The following RABGAP1L variants were observed in gnomAD, a reference collection of about 807,000 sequenced individuals.
RABGAP1L encodes the protein RAB GTPase activating protein 1 like, also known as rab GTPase-activating protein 1-like.
Under a neutral mutation model 137.7 loss-of-function variants are expected in RABGAP1L, and 63 were observed. The observed-to-expected ratio is 0.46, with a 90% confidence interval of 0.37 to 0.56. RABGAP1L has a LOEUF of 0.56. Among genes scored for constraint, RABGAP1L ranks in the 20% least tolerant of loss-of-function variants. The probability of loss-of-function intolerance (pLI) is 0.00; values close to 1 mark genes in which losing one functional copy is unlikely to be tolerated. For synonymous variants in RABGAP1L, 431 were observed against 433.7 expected (o/e 0.99, Z 0.08); for missense variants, 1,095 against 1,244.0 (o/e 0.88, Z 1.80).
chr1:174,553,214 A>G (rs1666669134), intron 13 of RABGAP1L, among the ~76,000 whole-genome samples: 1 of 152,218 alleles, frequency 6.6e-6, no homozygotes, highest in Admixed American at 6.5e-5. Context: ...TTTGCCGGGC[A>G]GAAGCTCTTT....
intron 19 of RABGAP1L, among the ~76,000 whole-genome samples, chr1:174,874,076 A>G (rs1218895159): frequency 6.6e-6 from 1 of 152,214 alleles, no homozygotes; most frequent in Non-Finnish European, 1.5e-5. Flanking sequence ...AGCTACTAGT[A>G]TGGAATACTC....
chr1:174,456,480 T>C (rs939340923), intron 13 of RABGAP1L, among the ~76,000 whole-genome samples: 1 of 152,090 alleles, frequency 6.6e-6, no homozygotes, highest in East Asian at 1.9e-4. Flanking sequence ...TGTTGAGTCA[T>C]CATCGGTTGG....
intron 19 of RABGAP1L, among the ~76,000 whole-genome samples, chr1:174,933,248 C>T (rs780650887): frequency 6.6e-6 from 1 of 152,076 alleles, no homozygotes; most frequent in Non-Finnish European, 1.5e-5. Context: ...GATAAATCCC[C>T]CAGTATTTGC....
rs765840993 is a variant in RABGAP1L at position 174,252,489 on chromosome 1, T to C, written c.885T>C (p.Pro295=). 1.2e-6 allele frequency: 2 copies of C among 1,612,296 alleles called. No individual in the cohort carries two copies. Among genetic ancestry groups the C allele is most frequent in the Non-Finnish European group, 8.5e-7 (1 of 1,179,444 alleles). ...DDGKGNFSPV[P]KDRDKFYFKL... is the part of the protein sequence containing the mutation. ...CTTTTGAATATTTCAGCCCTGTGCC[T>C]AAGGATAGAGATAAATTTTATTTCA... Residue 295 remains proline, a synonymous_variant, in exon 7 of 26, where the codon CCT becomes CCC. Transcript: ENST00000681986.
At chr1:174,607,415 T>C (rs1240215920) in intron 13 of RABGAP1L, among the ~76,000 whole-genome samples, 1 of 152,186 alleles carries the variant, frequency 6.6e-6, no homozygotes, top group African/African-American at 2.4e-5. Flanking sequence ...CAGACCACTC[T>C]TTTGCCCCAC....
At chr1:174,469,950 G>GA (rs544913179) in intron 13 of RABGAP1L, among the ~76,000 whole-genome samples, 21 of 145,624 alleles carry the variant, frequency 1.4e-4, no homozygotes, top group South Asian at 1.1e-3. Context: ...CTGACTGGAG[G>GA]AAAAAAAAAA....
chr1:174,692,866 T>C (rs1256524892), intron 15 of RABGAP1L, among the ~76,000 whole-genome samples: 3 of 152,154 alleles, frequency 2.0e-5, no homozygotes, highest in African/African-American at 7.2e-5. Flanking sequence ...ATGACATAGG[T>C]ATTATTATTT....
Position 174,703,494 on chromosome 1 carries a change from A to G in RABGAP1L, c.2169+1238A>G, listed in dbSNP as rs893689831. On this transcript the variant is annotated intron_variant, in intron 17 of 25. Coordinates refer to ENST00000681986, the MANE Select transcript of RABGAP1L (RefSeq NM_001366446.1). ...TCTTTATCCAGTCATCCACTGATGG[A>G]CACTTAACGCTGATTTTGCATCTTT... Among the ~76,000 whole-genome samples, 13 of 152,134 alleles carry G rather than the reference A, an allele frequency of 8.5e-5. 1 individual carries two copies. Among genetic ancestry groups the G allele is most frequent in the Admixed American group, 8.5e-4 (13 of 15,272 alleles).
At chr1:174,350,833 A>T (rs1317413818) in intron 11 of RABGAP1L, among the ~76,000 whole-genome samples, 1 of 83,780 alleles carries the variant, frequency 1.2e-5, no homozygotes, top group African/African-American at 5.1e-5. Context: ...CTCCGTCTGC[A>T]ATCCCGGCAC....
At chr1:174,799,668 C>T (rs1449264792) in intron 18 of RABGAP1L, among the ~76,000 whole-genome samples, 1 of 152,018 alleles carries the variant, frequency 6.6e-6, no homozygotes, top group East Asian at 1.9e-4. Context: ...AGCATTCTCC[C>T]CTGAGACACA....
chr1:174,240,122 G>A (rs1179798923), intron 4 of RABGAP1L, among the ~76,000 whole-genome samples: 1 of 152,210 alleles, frequency 6.6e-6, no homozygotes, highest in Admixed American at 6.5e-5. Flanking sequence ...GTTTTGACTT[G>A]CCTCTTTATT....
chr1:174,866,457 C>G (rs1651262472), intron 19 of RABGAP1L, among the ~76,000 whole-genome samples: 1 of 152,166 alleles, frequency 6.6e-6, no homozygotes, highest in Non-Finnish European at 1.5e-5. Context: ...TTTTTAACAT[C>G]ATGGAAGCCA....
At chr1:174,903,883 G>A (rs1389461394) in intron 19 of RABGAP1L, among the ~76,000 whole-genome samples, 2 of 151,812 alleles carry the variant, frequency 1.3e-5, no homozygotes, top group African/African-American at 4.8e-5. Flanking sequence ...CCGTGAGGTG[G>A]AGGTTTTGGT....
chr1:174,629,478 C>G (rs936656732), intron 13 of RABGAP1L, among the ~76,000 whole-genome samples: 1 of 152,134 alleles, frequency 6.6e-6, no homozygotes, highest in African/African-American at 2.4e-5. Context: ...GAAGAAAACT[C>G]TAGGAACACA....
intron 17 of RABGAP1L, among the ~76,000 whole-genome samples, chr1:174,723,982 A>G (rs902330625): frequency 1.3e-5 from 2 of 152,250 alleles, no homozygotes; most frequent in Non-Finnish European, 2.9e-5. Context: ...GCATATGTGC[A>G]TTAAAAATTG....
rs551205877 is a variant in RABGAP1L at position 174,313,765 on chromosome 1, A to G, written c.1465+8638A>G. ...TCAAATGCTTTTTCAGTATCAATTC[A>G]AATGATCATAGTTTTTTTCCTTCAT... On this transcript the variant is annotated intron_variant, in intron 11 of 25. Transcript: ENST00000681986. 3.3e-5 allele frequency among the ~76,000 whole-genome samples: 5 copies of G among 152,326 alleles called. No homozygotes were observed. The South Asian group carries it at 1.0e-3, about 32-fold the overall frequency.
intron 18 of RABGAP1L, among the ~76,000 whole-genome samples, chr1:174,802,033 GGTAATTAAGAATAT>G (rs1360008531): frequency 6.6e-6 from 1 of 152,112 alleles, no homozygotes; most frequent in African/African-American, 2.4e-5. Context: ...AACATAAATT[GGTAATTAAGAATAT>G]TTTGCATACT....
rs767222635 is a variant in RABGAP1L at position 174,752,361 on chromosome 1, C to A, written c.2211+7C>A. On this transcript the variant is annotated splice_region_variant and intron_variant, in intron 18 of 25. Coordinates refer to ENST00000681986, the MANE Select transcript of RABGAP1L (RefSeq NM_001366446.1). ...AGCTTTGGCTCTCCTAAAGGTAAGT[C>A]TTTTTTTTAATCTTAAGTTACCACA... 1.1e-5 allele frequency: 17 copies of A among 1,558,454 alleles called. No individual in the cohort carries two copies. In the African/African-American group the frequency reaches 1.9e-4, roughly 18 times the overall value.
chr1:174,576,303 T>C (rs949550422), intron 13 of RABGAP1L, among the ~76,000 whole-genome samples: 1 of 152,106 alleles, frequency 6.6e-6, no homozygotes, highest in Non-Finnish European at 1.5e-5. Context: ...CAGGCGCCCC[T>C]CATGCGTCCG....
Sources: gnomAD v4.1 joint callset for allele counts (sites outside exome capture counted in the v4.1 genomes callset) on GRCh38, gnomAD v4.1.1 for gene constraint, MANE v1.5 for transcripts, NCBI Gene and HGNC (gene_info 2026-07-23, HGNC 2026-07-21) for gene names.